The following NDUFA10 variants were observed in gnomAD, a reference collection of about 807,000 sequenced individuals.
The protein encoded by NDUFA10 is NADH dehydrogenase [ubiquinone] 1 alpha subcomplex subunit 10, mitochondrial.
A neutral mutation model predicts 47.8 loss-of-function variants in NDUFA10; 40 were observed. The observed-to-expected ratio is 0.84, with a 90% CI of 0.65 to 1.09. The LOEUF (loss-of-function observed/expected upper bound fraction) is 1.09. NDUFA10 is among the 50% of genes least tolerant of loss of function. The pLI, the probability that NDUFA10 is intolerant of heterozygous loss-of-function variation, is 0.00. For missense variants in NDUFA10, 413 were observed against 451.1 expected, an observed-to-expected ratio of 0.92 and a Z score of 0.76; for synonymous variants, 183 against 172.2, an observed-to-expected ratio of 1.06 and a Z score of -0.49.
intron 5 of NDUFA10, among the ~76,000 whole-genome samples, chr2:239,893,197 A>G (rs928292886): frequency 5.3e-5 from 8 of 152,350 alleles, no homozygotes; most frequent in Middle Eastern, 3.4e-3. Context: ...ATGCGGCTCA[A>G]TCAGGCCAGC....
chr2:240,011,657 T>A lies in NDUFA10; in HGVS notation c.709A>T (p.Ile237Phe). Residue 237 changes from isoleucine (I) to phenylalanine (F), a missense_variant, in exon 6 of 10, where the codon ATT (isoleucine) becomes TTT (phenylalanine). Physicochemically the swap from Ile to Phe is conservative, Grantham distance 21. Transcript: ENST00000252711. Reference sequence around the variant, plus strand: ...AAGGTTTTCTTATAGGCATTCTCAATGTCCTGTAGATAGGCAGAGGTGATC... The same window carrying A: ...AAGGTTTTCTTATAGGCATTCTCAAAGTCCTGTAGATAGGCAGAGGTGATC... ...MKITSAYLQDIENAYKKTFLP... is the reference protein window; with the variant it reads ...MKITSAYLQDFENAYKKTFLP... 1 of 1,613,700 alleles carries A rather than the reference T, an allele frequency of 6.2e-7. No individual in the cohort carries two copies. The highest frequency in any genetic ancestry group is 8.5e-7 in the Non-Finnish European group (1 of 1,179,576).
intron 4 of NDUFA10, among the ~76,000 whole-genome samples, chr2:239,898,563 G>A (rs887137451): frequency 2.4e-4 from 36 of 152,254 alleles, no homozygotes; most frequent in Non-Finnish European, 4.7e-4. Context: ...CCCGAAGAGG[G>A]CACCAGCAGG....
At chr2:239,954,162 G>A (rs1021627737), downstream of NDUFA10, among the ~76,000 whole-genome samples, 11 of 147,486 alleles carry the variant, frequency 7.5e-5, no homozygotes, top group Non-Finnish European at 3.0e-5. Context: ...GTCAGGCTGT[G>A]ACTGCCTCAG....
intron 8 of NDUFA10, among the ~76,000 whole-genome samples, chr2:239,999,443 G>A (rs923902851): frequency 2.0e-5 from 3 of 152,162 alleles, no homozygotes; most frequent in Non-Finnish European, 4.4e-5. Flanking sequence ...CAGCTGGGTG[G>A]ATGATTGTTC....
intron 9 of NDUFA10, chr2:239,981,991 C>T: frequency 1.5e-6 from 2 of 1,298,056 alleles, no homozygotes; most frequent in South Asian, 3.1e-5. Context: ...CATCCATGGC[C>T]TCCACTTGCT....
At chr2:239,993,252 A>T (rs1340039060) in intron 8 of NDUFA10, among the ~76,000 whole-genome samples, 1 of 152,220 alleles carries the variant, frequency 6.6e-6, no homozygotes, top group African/African-American at 2.4e-5. Context: ...TACCACAGGG[A>T]GGTCAAGTCA....
intron 2 of NDUFA10, 32 bp from the exon 3 acceptor site, chr2:240,021,444 T>C (rs765303620): frequency 3.5e-5 from 55 of 1,589,948 alleles, no homozygotes; most frequent in Non-Finnish European, 4.5e-5. Flanking sequence ...TGCAGTCTGA[T>C]GCACATCACT....
At chr2:239,983,091 C>T (rs1695846658) in intron 9 of NDUFA10, among the ~76,000 whole-genome samples, 1 of 152,164 alleles carries the variant, frequency 6.6e-6, no homozygotes, top group South Asian at 2.1e-4. Context: ...AGGGCTCTAC[C>T]GAAGTCACTC....
intron 9 of NDUFA10, among the ~76,000 whole-genome samples, chr2:239,966,778 C>T (rs923744869): frequency 1.3e-5 from 2 of 151,928 alleles, no homozygotes; most frequent in African/African-American, 4.8e-5. Context: ...GAGGGAGGGG[C>T]CCTGGGCGGC....
chr2:239,960,534 T>C lies in NDUFA10; in HGVS notation c.*584A>G, dbSNP rs762663112. On this transcript the variant is annotated 3_prime_UTR_variant, in exon 10 of 10. Coordinates refer to ENST00000252711, the MANE Select transcript of NDUFA10 (RefSeq NM_004544.4). ...CTGTAAATCTGTGGTAATTTTCTCCTTTTGCTATTTCTTCTTCACGTTCTT... is the reference window on the plus strand; with the variant it reads ...CTGTAAATCTGTGGTAATTTTCTCCCTTTGCTATTTCTTCTTCACGTTCTT... The C allele has an allele frequency of 4.2e-5, 42 of 998,882 alleles. No individual in the cohort carries two copies. Among genetic ancestry groups the C allele is most frequent in the Non-Finnish European group, 4.7e-5 (39 of 836,186 alleles). 61.9% of individuals were successfully genotyped at this position (998,882 alleles called of 1,614,324 possible).
chr2:239,914,928 T>A (rs1470791342), intron 4 of NDUFA10, among the ~76,000 whole-genome samples: 1 of 131,980 alleles, frequency 7.6e-6, no homozygotes, highest in East Asian at 2.3e-4. Context: ...AATATACAGA[T>A]ACAGAGAGAG....
In NDUFA10 at chr2:240,025,189, TGCCACCCC is replaced by T. The variant is rs755963006; in HGVS notation, c.75+30_75+37del. The T allele has an allele frequency of 3.6e-4, 81 of 223,594 alleles. No individual in the cohort carries two copies. In the African/African-American group the frequency reaches 4.5e-3, roughly 13 times the overall value. 13.9% of individuals were successfully genotyped at this position (223,594 alleles called of 1,614,324 possible). On this transcript the variant is annotated intron_variant, in intron 1 of 9. Coordinates refer to ENST00000252711, the MANE Select transcript of NDUFA10 (RefSeq NM_004544.4). Reference sequence around the variant, plus strand: ...TCCCCACCCCGCCACCCCGCCACCCTGCCACCCCGCCACCCTGCCACCCCGCCGCCCGC... The same window carrying T: ...TCCCCACCCCGCCACCCCGCCACCCTGCCACCCTGCCACCCCGCCGCCCGC...
intron 4 of NDUFA10, among the ~76,000 whole-genome samples, chr2:239,905,829 T>TGGGAGGGGAGGGGAG (rs546833519): frequency 3.0e-5 from 1 of 33,524 alleles, no homozygotes; most frequent in Admixed American, 3.9e-4. Context: ...GGGAGCAGAC[T>TGGGAGGGGAGGGGAG]GGGAGGGGAG....
At position 239,961,474 on chromosome 2, in the gene NDUFA10, C is replaced by T. The variant is rs549416271; in HGVS notation, c.1000-288G>A. On this transcript the variant is annotated intron_variant, in intron 9 of 9. Transcript: ENST00000252711. ...AATGTCAGGAGGGTGACAAGAGCCA[C>T]AGGAGGGGGACAGAGAGCAATGGGT... 2.6e-5 allele frequency among the ~76,000 whole-genome samples: 4 copies of T among 152,286 alleles called. No homozygotes were observed. In the East Asian group the frequency reaches 7.7e-4, roughly 29 times the overall value.
chr2:240,019,795 G>A (rs1697536538), intron 3 of NDUFA10, among the ~76,000 whole-genome samples: 1 of 22,886 alleles, frequency 4.4e-5, no homozygotes, highest in African/African-American at 1.8e-4. Context: ...CTCCAGCCTG[G>A]GCGACAGAGC....
rs535619578 is a variant in NDUFA10 at position 239,945,481 on chromosome 2, A to G, written c.294+44593T>C. 5.3e-5 allele frequency among the ~76,000 whole-genome samples: 8 copies of G among 151,862 alleles called. No homozygotes were observed. The highest frequency in any genetic ancestry group is 8.8e-5 in the Non-Finnish European group (6 of 67,940). On this transcript the variant is annotated intron_variant, in intron 4 of 5. Coordinates refer to the NDUFA10 transcript ENST00000419408. This position sits in a 1 kb window ranked among gnomAD's most constrained non-coding sequence, Gnocchi z 4.6. ...GGGAAGAGCGGACACCCCAACCGGA[A>G]CGCAGGCTGCACCGCGAGGCTCCCT... is the stretch of plus-strand genomic sequence containing the variant.
chr2:239,971,169 G>T (rs1177556097), intron 9 of NDUFA10, among the ~76,000 whole-genome samples: 1 of 152,236 alleles, frequency 6.6e-6, no homozygotes, highest in Non-Finnish European at 1.5e-5. Context: ...AAGCAGAAAA[G>T]AACTTATTTG....
At chr2:239,992,560 C>T (rs1240135475) in intron 8 of NDUFA10, among the ~76,000 whole-genome samples, 1 of 152,104 alleles carries the variant, frequency 6.6e-6, no homozygotes, top group African/African-American at 2.4e-5. Context: ...GTTAAAAAGA[C>T]GTGCTCCAGG....
rs1026525415 is a variant in NDUFA10, at chr2:240,017,889, G to C, written c.547+664C>G. On this transcript the variant is annotated intron_variant, in intron 4 of 9. Transcript: ENST00000252711. Reference sequence around the variant, plus strand: ...GCTCCCAGATTCCAGCTTTCCACTGGCTCCAGCCACCCCAGTCTACAGATG... The same window carrying C: ...GCTCCCAGATTCCAGCTTTCCACTGCCTCCAGCCACCCCAGTCTACAGATG... 6 of 1,568,234 alleles carry C rather than the reference G, an allele frequency of 3.8e-6. No individual in the cohort carries two copies. The African/African-American group carries it at 6.8e-5, about 18-fold the overall frequency.
Sources: gnomAD v4.1 joint callset for allele counts (sites outside exome capture counted in the v4.1 genomes callset) on GRCh38, gnomAD v4.1.1 for gene constraint, Gnocchi (gnomAD v3.1) non-coding constraint, MANE v1.5 for transcripts, NCBI Gene and HGNC (gene_info 2026-07-23, HGNC 2026-07-21) for gene names.